TAC1: variants seen among roughly 807,000 people sequenced by gnomAD.
The protein encoded by TAC1 is tachykinin precursor 1.
In TAC1, 12 loss-of-function variants were observed where a neutral mutation model predicts 21.7. The ratio of observed to expected loss-of-function variants is 0.55; its 90% confidence interval spans 0.35 to 0.89. The LOEUF is 0.89. Ranked by LOEUF, TAC1 falls within the 40% of genes least tolerant of loss-of-function variation. TAC1 has a pLI of 0.01. For missense variants in TAC1, 128 were observed against 151.4 expected, an observed-to-expected ratio of 0.85 and a Z score of 0.81; for synonymous variants, 52 against 52.0, an observed-to-expected ratio of 1.00 and a Z score of 0.00.
chr7:97,732,973 AGGGATGCC>A lies in TAC1; in HGVS notation c.123+239_123+246del. ...GTCCGGCCCAGGAACTCCCTGCAGT[AGGGATGCC>A]CTCCCGGATGAGCCCGAGATCCTCA... On this transcript the variant is annotated intron_variant, in intron 2 of 6. Transcript: ENST00000319273. This position sits in a 1 kb window ranked among gnomAD's most constrained non-coding sequence, Gnocchi z 6.2. 1 of 457,522 alleles carries A rather than the reference AGGGATGCC, an allele frequency of 2.2e-6. No homozygotes were observed. Among genetic ancestry groups the A allele is most frequent in the South Asian group, 3.7e-5 (1 of 27,038 alleles). The allele number at this position is 457,522 out of a possible 1,614,324, so 28.3% of individuals were successfully genotyped here.
intron 2 of TAC1, chr7:97,733,227 G>A: frequency 5.7e-6 from 1 of 176,656 alleles, no homozygotes; most frequent in Non-Finnish European, 1.2e-5. Flanking sequence ...TGAGGATGTA[G>A]CTTGAAGTCT....
intron 2 of TAC1, among the ~76,000 whole-genome samples, chr7:97,733,386 A>G (rs999612081): frequency 1.3e-5 from 2 of 152,058 alleles, no homozygotes; most frequent in Admixed American, 6.5e-5. Flanking sequence ...TGAGGACTCT[A>G]CAAAGCCGGC....
intron 3 of TAC1, 164 bp downstream of exon 3, chr7:97,733,983 G>C: frequency 2.8e-6 from 2 of 719,908 alleles, no homozygotes; most frequent in Non-Finnish European, 4.6e-6. Flanking sequence ...AGGCACGCAC[G>C]GGCCCGCGGG....
At chr7:97,735,674 G>T (rs189673975) in intron 5 of TAC1, among the ~76,000 whole-genome samples, 5 of 134,996 alleles carry the variant, frequency 3.7e-5, no homozygotes, top group Admixed American at 3.6e-4. Flanking sequence ...CCTTTCCAAA[G>T]AGTTCATCTT....
intron 5 of TAC1, 39 bp from the exon 6 acceptor site, chr7:97,736,260 G>C: frequency 6.5e-7 from 1 of 1,545,278 alleles, no homozygotes; most frequent in Non-Finnish European, 8.9e-7. Flanking sequence ...TTTCCTCAAA[G>C]ATATACATAT....
chr7:97,733,887 A>AC, intron 3 of TAC1, 68 bp downstream of exon 3: 2 of 1,431,932 alleles, frequency 1.4e-6, no homozygotes, highest in Non-Finnish European at 2.0e-6. Context: ...TTCCTGGAGT[A>AC]CCCCAGGGTC....
In TAC1 at chr7:97,734,244, T is replaced by C; in HGVS notation, c.221-4T>C. 6.2e-7 allele frequency: 1 copy of C among 1,613,930 alleles called. No individual in the cohort carries two copies. The highest frequency in any genetic ancestry group is 8.5e-7 in the Non-Finnish European group (1 of 1,179,828). ...GTAGTTAATGACAATTCGTCTCTTG[T>C]CAGATTCCTCAATTGAAAAACAAGT... On this transcript the variant is annotated splice_polypyrimidine_tract_variant and splice_region_variant and intron_variant, in intron 3 of 6. Transcript: ENST00000319273.
intron 6 of TAC1, among the ~76,000 whole-genome samples, chr7:97,738,473 T>C (rs1261166435): frequency 6.6e-6 from 1 of 152,032 alleles, no homozygotes; most frequent in African/African-American, 2.4e-5. Context: ...AGAGTCATGT[T>C]ACCTAAAGCT....
chr7:97,733,668 G>A, intron 2 of TAC1, 55 bp from the exon 3 acceptor site: 1 of 1,572,432 alleles, frequency 6.4e-7, no homozygotes, highest in Non-Finnish European at 8.7e-7. Context: ...TCGGGTTGCT[G>A]GGTGCCTCGC....
chr7:97,735,822 A>G (rs73709114), intron 5 of TAC1, among the ~76,000 whole-genome samples: 8,055 of 152,212 alleles, frequency 0.053, 709 homozygotes, highest in African/African-American at 0.18. Flanking sequence ...GTATCTTTTA[A>G]TATCCAATAA....
chr7:97,733,907 G>T lies in TAC1; in HGVS notation c.220+88G>T. ...GGAGTACCCCAGGGTCTCTCGCTCT[G>T]AATAGAGATTTCCACTCCAAGAGGG... On this transcript the variant is annotated intron_variant, in intron 3 of 6. Coordinates refer to ENST00000319273, the MANE Select transcript of TAC1 (RefSeq NM_003182.3). The T allele has an allele frequency of 4.6e-6, 6 of 1,308,944 alleles. No homozygotes were observed. In the South Asian group the frequency reaches 4.9e-5, roughly 11 times the overall value. 81.1% of individuals were successfully genotyped at this position (1,308,944 alleles called of 1,614,324 possible).
intron 2 of TAC1, 123 bp from the exon 3 acceptor site, chr7:97,733,600 A>G: frequency 1.2e-6 from 1 of 850,542 alleles, no homozygotes; most frequent in East Asian, 2.7e-5. Flanking sequence ...GCTCAGCCCG[A>G]GCGTGGGGAA....
chr7:97,734,269 T>G lies in TAC1; in HGVS notation c.242T>G (p.Val81Gly), dbSNP rs1418788360. ...TCAGATTCCTCAATTGAAAAACAAGTGGCCCTGTTAAAGGCTCTTTATGGT... is the reference window on the plus strand; with the variant it reads ...TCAGATTCCTCAATTGAAAAACAAGGGGCCCTGTTAAAGGCTCTTTATGGT... ...RDADSSIEKQ[V>G]ALLKALYGHG... The change falls in exon 4 of 7, where the codon GTG becomes GGG. Residue 81 changes from valine to glycine, a missense_variant. Coordinates refer to ENST00000319273, the MANE Select transcript of TAC1 (RefSeq NM_003182.3). The G allele has an allele frequency of 3.1e-6, 5 of 1,613,828 alleles. No homozygotes were observed. The East Asian group carries it at 6.7e-5, about 22-fold the overall frequency.
intron 6 of TAC1, 46 bp from the exon 7 acceptor site, chr7:97,739,828 T>C: frequency 6.9e-7 from 1 of 1,459,380 alleles, no homozygotes; most frequent in South Asian, 1.2e-5. Flanking sequence ...TGTAACTCCC[T>C]CAGTGAATTC....
At position 97,732,503 on chromosome 7, in the gene TAC1, G is replaced by T; in HGVS notation, c.-9-101G>T. 3 of 1,409,522 alleles carry T rather than the reference G, an allele frequency of 2.1e-6. No homozygotes were observed. Among genetic ancestry groups the T allele is most frequent in the East Asian group, 2.3e-5 (1 of 43,686 alleles). 87.3% of individuals were successfully genotyped at this position (1,409,522 alleles called of 1,614,324 possible). ...TTATGTTTTTGATCTTGGTTCATCC[G>T]TTGTGGGGCAGAAAATTCTGTTGCT... is the stretch of plus-strand genomic sequence containing the variant. On this transcript the variant is annotated intron_variant, in intron 1 of 6. Coordinates refer to ENST00000319273, the MANE Select transcript of TAC1 (RefSeq NM_003182.3). This position sits in a 1 kb window ranked among gnomAD's most constrained non-coding sequence, Gnocchi z 6.2.
In TAC1 at chr7:97,736,449, T is replaced by C; in HGVS notation, c.343+97T>C. On this transcript the variant is annotated intron_variant, in intron 6 of 6. Transcript: ENST00000319273. ...TAAAATATTAAAAAGGAGTGGTAGA[T>C]ATAAAAATGAGTATTATGGTGGAAA... 3.5e-6 allele frequency: 4 copies of C among 1,155,154 alleles called. No individual in the cohort carries two copies. The South Asian group carries it at 5.4e-5, about 16-fold the overall frequency. The allele number at this position is 1,155,154 out of a possible 1,614,324, so 71.6% of individuals were successfully genotyped here.
intron 6 of TAC1, among the ~76,000 whole-genome samples, chr7:97,739,320 T>C (rs1789647990): frequency 6.6e-6 from 1 of 151,962 alleles, no homozygotes; most frequent in Non-Finnish European, 1.5e-5. Flanking sequence ...ATTATAAATA[T>C]TTTAGGCTTT....
chr7:97,740,066 G>A lies in TAC1; in HGVS notation c.*146G>A, dbSNP rs1789671333. The A allele has an allele frequency of 1.8e-6, 1 of 557,000 alleles. No individual in the cohort carries two copies. The highest frequency in any genetic ancestry group is 2.8e-5 in the South Asian group (1 of 35,880). 34.5% of individuals were successfully genotyped at this position (557,000 alleles called of 1,614,324 possible). A position where few individuals can be genotyped will look rare whatever the true frequency, so the allele number is the denominator to read the frequency against. On this transcript the variant is annotated 3_prime_UTR_variant, in exon 7 of 7. Coordinates refer to ENST00000319273, the MANE Select transcript of TAC1 (RefSeq NM_003182.3). Reference sequence around the variant, plus strand: ...TCAAAAAGTGTTTATTTTTCATATTGTGCCAATATGTATTGTAAACATGTG... The same window carrying A: ...TCAAAAAGTGTTTATTTTTCATATTATGCCAATATGTATTGTAAACATGTG...
chr7:97,739,986 C>T lies in TAC1; in HGVS notation c.*66C>T. ...ATGGGCAATGACAGGTAAATTAAGA[C>T]ATGCACTATGAGGAATAATTATTTA... is the stretch of plus-strand genomic sequence containing the variant. On this transcript the variant is annotated 3_prime_UTR_variant, in exon 7 of 7. Transcript: ENST00000319273. 1 of 1,104,360 alleles carries T rather than the reference C, an allele frequency of 9.1e-7. No homozygotes were observed. 68.4% of individuals were successfully genotyped at this position (1,104,360 alleles called of 1,614,324 possible).
Sources: gnomAD v4.1 joint callset for allele counts (sites outside exome capture counted in the v4.1 genomes callset) on GRCh38, gnomAD v4.1.1 for gene constraint, Gnocchi (gnomAD v3.1) non-coding constraint, MANE v1.5 for transcripts, NCBI Gene and HGNC (gene_info 2026-07-23, HGNC 2026-07-21) for gene names.